The following GRIK2 variants were observed in gnomAD, a reference collection of about 807,000 sequenced individuals.
GRIK2 encodes glutamate receptor ionotropic, kainate 2.
A neutral mutation model predicts 100.3 loss-of-function variants in GRIK2; 32 were observed. The ratio of observed to expected loss-of-function variants is 0.32; its 90% CI spans 0.24 to 0.43. The LOEUF (loss-of-function observed/expected upper bound fraction) is 0.43, where lower values mean the gene tolerates loss of function less well. Among genes scored for constraint, GRIK2 ranks in the 20% least tolerant of loss-of-function variants. The pLI is 1.00. For synonymous variants in GRIK2, 417 were observed against 389.4 expected, an observed-to-expected ratio of 1.07 and a Z score of -0.83; for missense variants, 843 against 1,114.9, an observed-to-expected ratio of 0.76 and a Z score of 3.47.
intron 2 of GRIK2, among the ~76,000 whole-genome samples, chr6:101,513,076 C>T (rs144627870): frequency 1.5e-3 from 221 of 152,072 alleles, no homozygotes; most frequent in African/African-American, 5.2e-3. Context: ...TGGCCCATGA[C>T]GCAGCCTCCA....
At chr6:101,673,740 T>C (rs1010258091) in intron 4 of GRIK2, among the ~76,000 whole-genome samples, 1 of 152,218 alleles carries the variant, frequency 6.6e-6, no homozygotes, top group African/African-American at 2.4e-5. Context: ...TGATGTGTTC[T>C]TTCCAACCAA....
intron 4 of GRIK2, among the ~76,000 whole-genome samples, chr6:101,648,627 A>G (rs1582889649): frequency 6.6e-6 from 1 of 152,250 alleles, no homozygotes; most frequent in East Asian, 1.9e-4. Flanking sequence ...ATAACAATTT[A>G]CATGATAAAC....
At chr6:102,016,573 TTAAA>T (rs1441794947) in intron 14 of GRIK2, among the ~76,000 whole-genome samples, 1 of 147,138 alleles carries the variant, frequency 6.8e-6, no homozygotes, top group Non-Finnish European at 1.5e-5. Flanking sequence ...CAAAAAAAAT[TTAAA>T]AAAAAATGAA....
chr6:101,694,897 A>T (rs970090560), intron 7 of GRIK2, among the ~76,000 whole-genome samples: 2 of 151,430 alleles, frequency 1.3e-5, no homozygotes, highest in Non-Finnish European at 2.9e-5. Context: ...CATATAAAAA[A>T]ATACCTTGGC....
intron 16 of GRIK2, among the ~76,000 whole-genome samples, chr6:102,062,261 C>A (rs1436936995): frequency 1.3e-5 from 2 of 150,432 alleles, no homozygotes. Flanking sequence ...ATATGTATTT[C>A]TTTTGCCCTC....
rs138806309 is a variant in GRIK2 at position 101,897,352 on chromosome 6, T to C, written c.1748+7489T>C. On this transcript the variant is annotated intron_variant, in intron 12 of 16. Coordinates refer to ENST00000369134, the MANE Select transcript of GRIK2 (RefSeq NM_021956.5). Reference sequence around the variant, plus strand: ...CAAGTGATACACTTTTTCTTTTATGTTTTGTTGTTTCTAGATAGCAACATT... The same window carrying C: ...CAAGTGATACACTTTTTCTTTTATGCTTTGTTGTTTCTAGATAGCAACATT... Among the ~76,000 whole-genome samples the C allele has an allele frequency of 7.9e-3, 1,201 of 151,940 alleles. 21 individuals carry two copies. The highest frequency in any genetic ancestry group is 0.027 in the African/African-American group (1,137 of 41,532).
chr6:101,974,780 C>A (rs886930303), intron 14 of GRIK2, among the ~76,000 whole-genome samples: 9 of 151,946 alleles, frequency 5.9e-5, no homozygotes, highest in Non-Finnish European at 1.3e-4. Context: ...GATTAAATAG[C>A]TGGGTACTAA....
intron 4 of GRIK2, among the ~76,000 whole-genome samples, chr6:101,672,599 T>G (rs2128338489): frequency 2.0e-5 from 3 of 152,312 alleles, no homozygotes; most frequent in Admixed American, 2.0e-4. Context: ...TTTATTTTAG[T>G]TTCCAGGTGT....
intron 2 of GRIK2, among the ~76,000 whole-genome samples, chr6:101,463,215 T>A (rs898841123): frequency 6.6e-6 from 1 of 152,076 alleles, no homozygotes; most frequent in Admixed American, 6.5e-5. Context: ...AGAGACAGTA[T>A]CCATAGTCTG....
At chr6:101,775,533 G>GTA (rs1293244802) in intron 7 of GRIK2, among the ~76,000 whole-genome samples, 41 of 2,572 alleles carry the variant, frequency 0.016, no homozygotes, top group East Asian at 0.13. Flanking sequence ...GTATATATAT[G>GTA]TATATATATG....
intron 2 of GRIK2, among the ~76,000 whole-genome samples, chr6:101,420,678 C>A (rs566365888): frequency 6.6e-6 from 1 of 152,162 alleles, no homozygotes; most frequent in Non-Finnish European, 1.5e-5. Context: ...ATTTGTTAAA[C>A]AGCAACTCTG....
chr6:101,837,434 G>T (rs1278123375), intron 10 of GRIK2, among the ~76,000 whole-genome samples: 1 of 152,076 alleles, frequency 6.6e-6, no homozygotes, highest in African/African-American at 2.4e-5. Context: ...TGAGGTGATG[G>T]ATATGTTAGT....
chr6:101,960,502 T>A (rs577102702), intron 14 of GRIK2, among the ~76,000 whole-genome samples: 67 of 152,306 alleles, frequency 4.4e-4, no homozygotes, highest in Non-Finnish European at 7.4e-4. Context: ...GGTACTTTTT[T>A]AAATTTTTTC....
At chr6:101,843,402 C>G (rs1257138675) in intron 10 of GRIK2, among the ~76,000 whole-genome samples, 1 of 152,184 alleles carries the variant, frequency 6.6e-6, no homozygotes, top group African/African-American at 2.4e-5. Context: ...TTTCCATCAT[C>G]CACATGAGTC....
intron 2 of GRIK2, among the ~76,000 whole-genome samples, chr6:101,456,117 A>ATT (rs200054905): frequency 3.5e-5 from 5 of 144,310 alleles, no homozygotes; most frequent in African/African-American, 1.3e-4. Flanking sequence ...ATTGGGACAG[A>ATT]TTTTTTTTTT....
chr6:101,801,298 A>C (rs1194670232), intron 8 of GRIK2, among the ~76,000 whole-genome samples: 2 of 151,982 alleles, frequency 1.3e-5, no homozygotes, highest in African/African-American at 2.4e-5. Flanking sequence ...TAGGCTAAAA[A>C]TATTTTTTTC....
intron 12 of GRIK2, among the ~76,000 whole-genome samples, chr6:101,904,987 A>G (rs1788127224): frequency 1.3e-5 from 2 of 151,526 alleles, no homozygotes; most frequent in Admixed American, 1.3e-4. Context: ...CAGAACTGAA[A>G]GAAGGTCATT....
chr6:101,636,141 CA>C lies in GRIK2; in HGVS notation c.541+9505del, dbSNP rs1383974589. ...TAGACTGGATAAAGAAAATGTGGCA[CA>C]TATAAACTATGGAATGCTATGCAGC... is the stretch of plus-strand genomic sequence containing the variant. On this transcript the variant is annotated intron_variant, in intron 4 of 16. Coordinates refer to ENST00000369134, the MANE Select transcript of GRIK2 (RefSeq NM_021956.5). Among the ~76,000 whole-genome samples, 8 of 152,142 alleles carry C rather than the reference CA, an allele frequency of 5.3e-5. No homozygotes were observed. In the East Asian group the frequency reaches 1.5e-3, roughly 29 times the overall value.
At chr6:101,602,756 A>G (rs1463225307) in intron 2 of GRIK2, among the ~76,000 whole-genome samples, 2 of 151,696 alleles carry the variant, frequency 1.3e-5, no homozygotes, top group East Asian at 1.9e-4. Context: ...AGAATAAAAT[A>G]AAAAGCCAGT....
Sources: gnomAD v4.1 joint callset for allele counts (sites outside exome capture counted in the v4.1 genomes callset) on GRCh38, gnomAD v4.1.1 for gene constraint, MANE v1.5 for transcripts, NCBI Gene and HGNC (gene_info 2026-07-23, HGNC 2026-07-21) for gene names.